STK31: variants seen among roughly 807,000 people sequenced by gnomAD.
STK31 encodes serine/threonine kinase 31.
STK31 carries 89 observed loss-of-function variants against 129.7 expected under a neutral mutation model. That is an observed-to-expected ratio of 0.69 (90% confidence interval 0.58 to 0.82). The LOEUF (loss-of-function observed/expected upper bound fraction) is 0.82. Ranked by LOEUF, STK31 falls within the 40% of genes least tolerant of loss-of-function variation. The pLI is 0.00. For missense variants in STK31, 1,187 were observed against 1,176.4 expected (o/e 1.01, Z -0.13); for synonymous variants, 448 against 395.3 (o/e 1.13, Z -1.58).
chr7:23,795,265 A>G (rs887094406), intron 22 of STK31, among the ~76,000 whole-genome samples: 1 of 152,216 alleles, frequency 6.6e-6, no homozygotes, highest in African/African-American at 2.4e-5. Context: ...AAAGGGGCCA[A>G]GGTACAGCTC....
At chr7:23,716,530 AATG>A (rs1786334340) in intron 3 of STK31, among the ~76,000 whole-genome samples, 1 of 152,144 alleles carries the variant, frequency 6.6e-6, no homozygotes, top group Admixed American at 6.5e-5. Flanking sequence ...GTGCTTGCCT[AATG>A]ATGATTTTCT....
chr7:23,776,260 G>A (rs558805577), intron 15 of STK31, among the ~76,000 whole-genome samples: 4 of 152,264 alleles, frequency 2.6e-5, no homozygotes, highest in African/African-American at 9.6e-5. Flanking sequence ...TTGCATCAAT[G>A]TTCGTCAGGG....
chr7:23,729,511 G>GTTTTTTTTTTTTTTTTTTTTTTTTTTTTT (rs72476098), intron 6 of STK31, among the ~76,000 whole-genome samples: 1 of 121,740 alleles, frequency 8.2e-6, no homozygotes. Flanking sequence ...GTCTCTTTTT[G>GTTTTTTTTTTTTTTTTTTTTTTTTTTTTT]TTTTTTTTTT....
chr7:23,711,837 A>G (rs1485779101), intron 1 of STK31, among the ~76,000 whole-genome samples: 1 of 152,232 alleles, frequency 6.6e-6, no homozygotes, highest in Non-Finnish European at 1.5e-5. Flanking sequence ...CAAAATGTAT[A>G]TGAGTTCAGT....
At chr7:23,831,773 T>C (rs984820322) in intron 23 of STK31, among the ~76,000 whole-genome samples, 1 of 152,222 alleles carries the variant, frequency 6.6e-6, no homozygotes, top group Non-Finnish European at 1.5e-5. Context: ...ATGGTAGATA[T>C]TGTTCTTTCA....
rs556028124 is a variant in STK31, at chr7:23,725,632, C to T, written c.250-1609C>T. Reference sequence around the variant, plus strand: ...CATTTTTGTTACTGTAAAGAAATACCTGAGACTGGGTAATTTATAAAGAAA... The same window carrying T: ...CATTTTTGTTACTGTAAAGAAATACTTGAGACTGGGTAATTTATAAAGAAA... On this transcript the variant is annotated intron_variant, in intron 4 of 23. Coordinates refer to ENST00000355870, the MANE Select transcript of STK31 (RefSeq NM_031414.5). Among the ~76,000 whole-genome samples, 6 of 152,192 alleles carry T rather than the reference C, an allele frequency of 3.9e-5. No individual in the cohort carries two copies. The East Asian group carries it at 9.6e-4, about 24-fold the overall frequency.
At chr7:23,815,323 G>A in intron 23 of STK31, 111 bp downstream of exon 23, 1 of 751,130 alleles carries the variant, frequency 1.3e-6, no homozygotes, top group Non-Finnish European at 2.0e-6. Flanking sequence ...ATTAACATTT[G>A]CAATAAATGA....
At chr7:23,824,226 A>T (rs971356438) in intron 23 of STK31, among the ~76,000 whole-genome samples, 2 of 152,222 alleles carry the variant, frequency 1.3e-5, no homozygotes, top group Non-Finnish European at 2.9e-5. Context: ...CTTCCTACCC[A>T]TGAGCATGGA....
chr7:23,730,878 A>ATATATATATTTTTTTT, intron 6 of STK31, among the ~76,000 whole-genome samples: 1 of 59,540 alleles, frequency 1.7e-5, no homozygotes, highest in Non-Finnish European at 3.3e-5. Context: ...ATATATATAT[A>ATATATATATTTTTTTT]TTTTTTTTTT....
intron 14 of STK31, 71 bp downstream of exon 14, chr7:23,771,195 A>G (rs937273882): frequency 7.5e-5 from 106 of 1,408,664 alleles, no homozygotes; most frequent in South Asian, 1.2e-4. Context: ...AAATTTTTCT[A>G]TTGTTGTTTA....
chr7:23,738,625 C>G (rs1032390814), intron 8 of STK31, among the ~76,000 whole-genome samples: 1 of 152,072 alleles, frequency 6.6e-6, no homozygotes, highest in African/African-American at 2.4e-5. Context: ...GGCATGATCT[C>G]GGCTCACTGC....
intron 3 of STK31, among the ~76,000 whole-genome samples, chr7:23,714,261 C>G (rs1253194277): frequency 2.0e-5 from 3 of 152,196 alleles, no homozygotes; most frequent in East Asian, 1.9e-4. Flanking sequence ...TGCATATTCT[C>G]TAAAGGTTGC....
At chr7:23,736,584 C>CAG (rs1787730229) in intron 7 of STK31, among the ~76,000 whole-genome samples, 2 of 74,188 alleles carry the variant, frequency 2.7e-5, no homozygotes, top group Non-Finnish European at 5.3e-5. Context: ...GGGGGGATCA[C>CAG]GGGGGGGGGA....
At chr7:23,716,624 C>G (rs1334302885) in intron 3 of STK31, among the ~76,000 whole-genome samples, 1 of 151,892 alleles carries the variant, frequency 6.6e-6, no homozygotes, top group East Asian at 1.9e-4. Flanking sequence ...TTTATTTATT[C>G]AATTATTTAT....
intron 23 of STK31, among the ~76,000 whole-genome samples, chr7:23,829,886 A>G (rs1208406686): frequency 6.6e-6 from 1 of 152,042 alleles, no homozygotes; most frequent in Non-Finnish European, 1.5e-5. Flanking sequence ...GAATTTATAT[A>G]TTTCCTCTAG....
rs191339108 is a variant in STK31 at position 23,810,002 on chromosome 7, C to T, written c.2761-5142C>T. On this transcript the variant is annotated intron_variant, in intron 22 of 23. Transcript: ENST00000355870. ...AGCACGACTGTTGTTTTGTCAGTTA[C>T]TGAGAGTTGAAGTCCCTGGCTATAA... Among the ~76,000 whole-genome samples the T allele has an allele frequency of 2.0e-5, 3 of 152,294 alleles. No homozygotes were observed. In the East Asian group the frequency reaches 5.8e-4, roughly 29 times the overall value.
intron 8 of STK31, among the ~76,000 whole-genome samples, chr7:23,752,446 C>T (rs112103994): frequency 1.3e-5 from 2 of 151,378 alleles, no homozygotes; most frequent in African/African-American, 4.9e-5. Flanking sequence ...GCCTCCCTAA[C>T]TCAAGCCATC....
chr7:23,808,303 C>A (rs1302476303), intron 22 of STK31, among the ~76,000 whole-genome samples: 1 of 151,880 alleles, frequency 6.6e-6, no homozygotes, highest in African/African-American at 2.4e-5. Context: ...CTTACTTCTC[C>A]TTGCTGCTGA....
chr7:23,711,966 T>C, intron 1 of STK31, 133 bp from the exon 2 acceptor site: 1 of 731,792 alleles, frequency 1.4e-6, no homozygotes, highest in Non-Finnish European at 2.2e-6. Flanking sequence ...TTGAGCTCAT[T>C]TTTAATATAG....
Sources: allele counts gnomAD v4.1 joint callset (sites outside exome capture counted in the v4.1 genomes callset), GRCh38; gene constraint gnomAD v4.1.1; transcripts MANE v1.5; gene names NCBI Gene and HGNC (gene_info 2026-07-23, HGNC 2026-07-21).